TEX14: variants seen among roughly 807,000 people sequenced by gnomAD.
The protein encoded by TEX14 is testis expressed 14, intercellular bridge forming factor, also known as inactive serine/threonine-protein kinase TEX14.
Under a neutral mutation model 178.6 loss-of-function variants are expected in TEX14, and 168 were observed. That is an observed-to-expected ratio of 0.94 (90% CI 0.83 to 1.07). The LOEUF (loss-of-function observed/expected upper bound fraction) is 1.07. Ranked by LOEUF, TEX14 falls within the 50% of genes least tolerant of loss-of-function variation. The pLI is 0.00. For missense variants in TEX14, 1,730 were observed against 1,753.6 expected (o/e 0.99, Z 0.24); for synonymous variants, 626 against 634.1 (o/e 0.99, Z 0.19).
chr17:58,604,069 G>C (rs1409624235), intron 11 of TEX14, among the ~76,000 whole-genome samples: 1 of 151,980 alleles, frequency 6.6e-6, no homozygotes, highest in Non-Finnish European at 1.5e-5. Context: ...AATGGACACA[G>C]GGTGTGTTTC....
chr17:58,576,369 C>T (rs536139937), intron 21 of TEX14, among the ~76,000 whole-genome samples: 1 of 152,056 alleles, frequency 6.6e-6, no homozygotes. Context: ...CCTATAATTC[C>T]GCTACTTGGG....
At chr17:58,672,814 C>T (rs1039666215) in intron 1 of TEX14, among the ~76,000 whole-genome samples, 1 of 151,330 alleles carries the variant, frequency 6.6e-6, no homozygotes, top group Non-Finnish European at 1.5e-5. Context: ...TTACTGCAAC[C>T]TTTGCCTCCT....
At chr17:58,621,874 G>C in intron 4 of TEX14, 88 bp from the exon 5 acceptor site, 1 of 1,421,742 alleles carries the variant, frequency 7.0e-7, no homozygotes, top group Admixed American at 2.3e-5. Flanking sequence ...GGTCCGAGGA[G>C]CTGAGAGCCC....
intron 1 of TEX14, among the ~76,000 whole-genome samples, chr17:58,691,736 C>T (rs2047732725): frequency 6.6e-6 from 1 of 151,680 alleles, no homozygotes. Context: ...GTTACACTCA[C>T]CTAGGCAAGG....
intron 1 of TEX14, chr17:58,679,596 C>T (rs2047463097): frequency 6.6e-6 from 1 of 152,218 alleles, no homozygotes; most frequent in Non-Finnish European, 1.5e-5. Context: ...TTGTAGAAAA[C>T]CACAGGGGTC....
At chr17:58,650,367 TACA>T (rs1268403678) in intron 2 of TEX14, among the ~76,000 whole-genome samples, 1 of 152,194 alleles carries the variant, frequency 6.6e-6, no homozygotes, top group Non-Finnish European at 1.5e-5. Flanking sequence ...AGCAGAGTTT[TACA>T]ACGTTTTATT....
chr17:58,591,547 G>A (rs1048878769), intron 15 of TEX14, among the ~76,000 whole-genome samples: 16 of 152,030 alleles, frequency 1.1e-4, no homozygotes, highest in East Asian at 3.9e-4. Context: ...TAAATAAAAT[G>A]TCTGGACATT....
intron 15 of TEX14, among the ~76,000 whole-genome samples, chr17:58,588,226 T>A (rs1029366384): frequency 6.6e-6 from 1 of 152,112 alleles, no homozygotes; most frequent in Non-Finnish European, 1.5e-5. Context: ...ATGGTTCAGG[T>A]GAGGGTTCTG....
Position 58,569,644 on chromosome 17 carries a change from G to A in TEX14, c.3818-384C>T, listed in dbSNP as rs1248409658. On this transcript the variant is annotated intron_variant, in intron 25 of 31. Transcript: ENST00000349033. The surrounding 1 kb of genome is among the most constrained non-coding windows in gnomAD (Gnocchi z 4.1). ...CAAAATGAACAAAAGCACAAAGTAG[G>A]AGGCCTTTAACTAAATATTATCAGG... Among the ~76,000 whole-genome samples the A allele has an allele frequency of 6.6e-6, 1 of 152,200 alleles. No individual in the cohort carries two copies. The highest frequency in any genetic ancestry group is 6.5e-5 in the Admixed American group (1 of 15,274).
intron 5 of TEX14, among the ~76,000 whole-genome samples, chr17:58,619,186 T>C (rs908911367): frequency 1.3e-5 from 2 of 152,202 alleles, no homozygotes; most frequent in African/African-American, 4.8e-5. Flanking sequence ...CTCTGGGCAG[T>C]ACATGGCTCT....
chr17:58,590,716 C>G (rs1291969304), intron 15 of TEX14, among the ~76,000 whole-genome samples: 1 of 152,048 alleles, frequency 6.6e-6, no homozygotes. Context: ...CCGCACACCA[C>G]CATGCCTGGC....
At chr17:58,570,269 T>A (rs949977967) in intron 25 of TEX14, 116 bp downstream of exon 25, 2 of 603,784 alleles carry the variant, frequency 3.3e-6, no homozygotes, top group East Asian at 6.2e-5. Context: ...TTTACTTTTA[T>A]AATCATGGGG....
chr17:58,651,653 G>A (rs1248645834), intron 2 of TEX14, among the ~76,000 whole-genome samples: 3 of 152,084 alleles, frequency 2.0e-5, no homozygotes, highest in African/African-American at 7.2e-5. Flanking sequence ...ATGCGCTTGT[G>A]GTTCCCCAAC....
At chr17:58,604,583 CAG>C (rs1361532843) in intron 11 of TEX14, among the ~76,000 whole-genome samples, 1 of 149,920 alleles carries the variant, frequency 6.7e-6, no homozygotes, top group Non-Finnish European at 1.5e-5. Context: ...TCTTTTGAGA[CAG>C]AGTCTCACTC....
intron 2 of TEX14, among the ~76,000 whole-genome samples, chr17:58,634,713 T>C (rs987063499): frequency 6.6e-6 from 1 of 152,148 alleles, no homozygotes; most frequent in Non-Finnish European, 1.5e-5. Flanking sequence ...ACGCATGTCA[T>C]GGGGGCAAGG....
intron 21 of TEX14, among the ~76,000 whole-genome samples, chr17:58,576,363 T>C (rs2044675597): frequency 6.6e-6 from 1 of 152,154 alleles, no homozygotes; most frequent in African/African-American, 2.4e-5. Context: ...CACATGCCTA[T>C]AATTCCGCTA....
At chr17:58,686,415 G>A (rs895603785) in intron 1 of TEX14, among the ~76,000 whole-genome samples, 1 of 152,158 alleles carries the variant, frequency 6.6e-6, no homozygotes, top group Non-Finnish European at 1.5e-5. Context: ...CAAGGTTCTG[G>A]GAATGGGGTG....
intron 20 of TEX14, among the ~76,000 whole-genome samples, chr17:58,578,241 T>TG (rs1221725766): frequency 6.6e-6 from 1 of 152,124 alleles, no homozygotes; most frequent in Non-Finnish European, 1.5e-5. Context: ...GGAGAGACAT[T>TG]GGGGGTTCCT....
intron 1 of TEX14, among the ~76,000 whole-genome samples, chr17:58,680,576 T>C (rs980783385): frequency 6.6e-6 from 1 of 151,742 alleles, no homozygotes; most frequent in African/African-American, 2.4e-5. Context: ...ACCCTATCTC[T>C]AATAAAAATA....
Sources: gnomAD v4.1 joint callset for allele counts (sites outside exome capture counted in the v4.1 genomes callset) on GRCh38, gnomAD v4.1.1 for gene constraint, Gnocchi (gnomAD v3.1) non-coding constraint, MANE v1.5 for transcripts, NCBI Gene and HGNC (gene_info 2026-07-23, HGNC 2026-07-21) for gene names.